The following OLFM3 variants were observed in gnomAD, a reference collection of about 807,000 sequenced individuals.
The protein encoded by OLFM3 is noelin-3.
In OLFM3, 20 loss-of-function variants were observed where a neutral mutation model predicts 48.6. That is an observed-to-expected ratio of 0.41 (90% CI 0.29 to 0.60). The LOEUF (loss-of-function observed/expected upper bound fraction) is 0.60, where lower values mean the gene tolerates loss of function less well. Ranked by LOEUF, OLFM3 falls within the 20% of genes least tolerant of loss-of-function variation. The probability of loss-of-function intolerance (pLI) is 0.28; values close to 1 mark genes in which losing one functional copy is unlikely to be tolerated. For missense variants in OLFM3, 437 were observed against 544.3 expected, an observed-to-expected ratio of 0.80 and a Z score of 1.96; for synonymous variants, 222 against 198.1, an observed-to-expected ratio of 1.12 and a Z score of -1.01.
intron 4 of OLFM3, among the ~76,000 whole-genome samples, chr1:101,808,001 TAGA>T (rs1653860994): frequency 6.6e-6 from 1 of 151,814 alleles, no homozygotes. Context: ...GCAGAATAAG[TAGA>T]AGTAGTATTA....
intron 1 of OLFM3, among the ~76,000 whole-genome samples, chr1:101,848,474 T>C (rs1656097121): frequency 6.6e-6 from 1 of 151,924 alleles, no homozygotes; most frequent in South Asian, 2.1e-4. Context: ...ACTCCTCAAA[T>C]CTTCCTTGCA....
At chr1:101,886,830 T>C (rs1657779395) in intron 1 of OLFM3, among the ~76,000 whole-genome samples, 2 of 152,128 alleles carry the variant, frequency 1.3e-5, no homozygotes, top group African/African-American at 2.4e-5. Flanking sequence ...AGACCATATT[T>C]TCTCCTTGTT....
At position 101,830,832 on chromosome 1, in the gene OLFM3, T is replaced by C; in HGVS notation, c.217-5A>G. On this transcript the variant is annotated splice_polypyrimidine_tract_variant and splice_region_variant and intron_variant, in intron 2 of 5. Coordinates refer to ENST00000370103, the MANE Select transcript of OLFM3 (RefSeq NM_058170.4). ...AGACTGGGACATGTTCTGAACCTGT[T>C]GAACAAGAATATTGTCTGTACATTA... 6.2e-7 allele frequency: 1 copy of C among 1,611,894 alleles called. No homozygotes were observed. Among genetic ancestry groups the C allele is most frequent in the Non-Finnish European group, 8.5e-7 (1 of 1,179,072 alleles).
intron 1 of OLFM3, among the ~76,000 whole-genome samples, chr1:101,910,951 C>T (rs1658741893): frequency 6.6e-6 from 1 of 151,944 alleles, no homozygotes; most frequent in Non-Finnish European, 1.5e-5. Context: ...AGTCACAATC[C>T]AGAGAGGATA....
intron 1 of OLFM3, chr1:101,894,055 C>T (rs1190478289): frequency 1.9e-5 from 3 of 153,998 alleles, no homozygotes; most frequent in African/African-American, 7.2e-5. Context: ...TTAATGGGAC[C>T]AGTGATAATA....
chr1:101,903,158 G>A (rs537837315), intron 1 of OLFM3, among the ~76,000 whole-genome samples: 6 of 152,160 alleles, frequency 3.9e-5, no homozygotes, highest in African/African-American at 1.4e-4. Flanking sequence ...CAAGGTGAGA[G>A]TTGTCATATG....
intron 1 of OLFM3, among the ~76,000 whole-genome samples, chr1:101,879,402 A>G (rs988925187): frequency 6.6e-6 from 1 of 151,808 alleles, no homozygotes; most frequent in African/African-American, 2.4e-5. Context: ...TCTCAATTCA[A>G]TGTTTCAGCT....
intron 1 of OLFM3, chr1:101,859,932 T>C (rs1376049854): frequency 6.6e-6 from 1 of 152,054 alleles, no homozygotes; most frequent in Admixed American, 6.5e-5. Context: ...AAATTGGGGA[T>C]ACAGTCTGAG....
At chr1:101,887,493 A>G (rs1457180110) in intron 1 of OLFM3, among the ~76,000 whole-genome samples, 1 of 152,006 alleles carries the variant, frequency 6.6e-6, no homozygotes, top group Non-Finnish European at 1.5e-5. Flanking sequence ...TCTCCTTAAG[A>G]GAATTTTTTC....
chr1:101,932,321 T>A (rs1327482461), intron 1 of OLFM3, among the ~76,000 whole-genome samples: 1 of 152,162 alleles, frequency 6.6e-6, no homozygotes, highest in Admixed American at 6.5e-5. Flanking sequence ...CTGAGAAAAG[T>A]ATTACATAAA....
intron 1 of OLFM3, among the ~76,000 whole-genome samples, chr1:101,934,963 A>G (rs559718989): frequency 3.3e-5 from 5 of 152,096 alleles, no homozygotes; most frequent in Non-Finnish European, 7.4e-5. Flanking sequence ...AGACACTGCT[A>G]AACTGGTATT....
At chr1:101,971,504 T>C (rs945727) in intron 1 of OLFM3, among the ~76,000 whole-genome samples, 37,745 of 152,178 alleles carry the variant, frequency 0.25, 5,259 homozygotes, top group Middle Eastern at 0.36. Flanking sequence ...GCCCCACCTG[T>C]TGACAGATCT....
intron 1 of OLFM3, among the ~76,000 whole-genome samples, chr1:101,935,773 CTACCA>C (rs1293304490): frequency 6.6e-6 from 1 of 152,084 alleles, no homozygotes; most frequent in African/African-American, 2.4e-5. Context: ...AAAAGCAAAT[CTACCA>C]TGATCAGGTA....
intron 1 of OLFM3, among the ~76,000 whole-genome samples, chr1:101,940,375 C>A (rs1659752154): frequency 7.5e-6 from 1 of 132,486 alleles, no homozygotes; most frequent in South Asian, 2.4e-4. Flanking sequence ...CATTCAGGTT[C>A]TTCTCACATC....
intron 1 of OLFM3, among the ~76,000 whole-genome samples, chr1:101,956,095 T>TTTTTA (rs1553183047): frequency 0.054 from 7,826 of 143,760 alleles, 351 homozygotes; most frequent in African/African-American, 0.11. Flanking sequence ...GGTTTTTTTT[T>TTTTTA]TTTTTTTTAA....
chr1:101,816,457 GCCTATCTTT>G (rs1304892703), intron 4 of OLFM3, among the ~76,000 whole-genome samples: 1 of 152,112 alleles, frequency 6.6e-6, no homozygotes, highest in Non-Finnish European at 1.5e-5. Context: ...GTAATCATGT[GCCTATCTTT>G]CCTTTTATAA....
chr1:101,852,026 C>G (rs944159567), intron 1 of OLFM3, among the ~76,000 whole-genome samples: 4 of 152,062 alleles, frequency 2.6e-5, no homozygotes, highest in African/African-American at 9.7e-5. Context: ...GGTTATATCT[C>G]TCTCACCTAC....
chr1:101,840,264 A>G (rs915082562), intron 1 of OLFM3, among the ~76,000 whole-genome samples: 1 of 152,200 alleles, frequency 6.6e-6, no homozygotes, highest in Non-Finnish European at 1.5e-5. Flanking sequence ...CTGGCAGTTC[A>G]TATGTGCTAT....
chr1:101,925,752 A>T lies in OLFM3; in HGVS notation c.69+70996T>A, dbSNP rs569384685. On this transcript the variant is annotated intron_variant, in intron 1 of 5. Transcript: ENST00000370103. ...GTATGAGTGCCCAGGCTGGTCTCAA[A>T]CTCCTCGGTTCAAGGCATCCTCCTG... Among the ~76,000 whole-genome samples, 27 of 150,830 alleles carry T rather than the reference A, an allele frequency of 1.8e-4. No individual in the cohort carries two copies. The South Asian group carries it at 5.7e-3, about 32-fold the overall frequency.
Sources: gnomAD v4.1 joint callset for allele counts (sites outside exome capture counted in the v4.1 genomes callset) on GRCh38, gnomAD v4.1.1 for gene constraint, MANE v1.5 for transcripts, NCBI Gene and HGNC (gene_info 2026-07-23, HGNC 2026-07-21) for gene names.